Variants in KCNH3 observed in about 807,000 individuals in gnomAD.
KCNH3 encodes the protein voltage-gated inwardly rectifying potassium channel KCNH3.
A neutral mutation model predicts 95.6 loss-of-function variants in KCNH3; 36 were observed. The observed-to-expected ratio is 0.38, with a 90% CI of 0.29 to 0.50. KCNH3 has a LOEUF of 0.50. Among genes scored for constraint, KCNH3 ranks in the 20% least tolerant of loss-of-function variants. The pLI, the probability that KCNH3 is intolerant of heterozygous loss-of-function variation, is 0.95. For synonymous variants in KCNH3, 620 were observed against 646.3 expected (o/e 0.96, Z 0.62); for missense variants, 1,030 against 1,484.1 (o/e 0.69, Z 5.03).
intron 7 of KCNH3, 67 bp from the exon 8 acceptor site, chr12:49,548,828 C>T: frequency 6.9e-7 from 1 of 1,456,586 alleles, no homozygotes; most frequent in Non-Finnish European, 9.1e-7. Flanking sequence ...CGTGTCCCCA[C>T]CCCCAGGGCC....
At chr12:49,552,850 C>T (rs887445772) in intron 10 of KCNH3, among the ~76,000 whole-genome samples, 8 of 152,106 alleles carry the variant, frequency 5.3e-5, no homozygotes, top group Non-Finnish European at 1.2e-4. Context: ...CATTGAGATC[C>T]AAACAGCACT....
rs763771431 is a variant in KCNH3 at position 49,557,691 on chromosome 12, C to T, written c.2990C>T (p.Thr997Ile). ...WPRATAFWTS[T>I]SDSEPPASGD... The stretch of plus-strand genomic sequence containing the variant: ...CGAGCCACAGCTTTCTGGACCTCCA[C>T]CTCAGACTCAGAGCCCCCTGCCTCA... The change falls in exon 15 of 15, where the codon ACC (threonine) becomes ATC (isoleucine). Residue 997 changes from threonine (T) to isoleucine (I), a missense_variant. By Grantham distance (89) the Thr-to-Ile change is moderately conservative. Around this residue, in one of 9 missense-constraint regions of KCNH3, gnomAD observed 464 missense variants for 493.2 expected, o/e 0.94. Transcript: ENST00000257981. 6 of 1,613,876 alleles carry T rather than the reference C, an allele frequency of 3.7e-6. No individual in the cohort carries two copies. Among genetic ancestry groups the T allele is most frequent in the Non-Finnish European group, 5.1e-6 (6 of 1,180,000 alleles).
chr12:49,550,314 G>A lies in KCNH3; in HGVS notation c.1903G>A (p.Val635Met), dbSNP rs759178708. ...GSMEVLKGGT[V>M]LAILGKGDLI... Reference sequence around the variant, plus strand: ...CATGGAGGTGCTCAAGGGTGGCACCGTGCTCGCCATCCTAGGTTTGTGAGG... The same window carrying A: ...CATGGAGGTGCTCAAGGGTGGCACCATGCTCGCCATCCTAGGTTTGTGAGG... Residue 635 changes from valine (V) to methionine (M), a missense_variant, in exon 10 of 15, where the codon GTG becomes ATG. Physicochemically the swap from Val to Met is conservative, Grantham distance 21. Around this residue, in one of 9 missense-constraint regions of KCNH3, gnomAD observed 160 missense variants for 316.2 expected, o/e 0.51. Transcript: ENST00000257981. 1.9e-6 allele frequency: 3 copies of A among 1,604,216 alleles called. No individual in the cohort carries two copies. The highest frequency in any genetic ancestry group is 2.5e-6 in the Non-Finnish European group (3 of 1,176,606).
At chr12:49,545,398 G>A (rs930862753) in intron 7 of KCNH3, among the ~76,000 whole-genome samples, 4 of 145,992 alleles carry the variant, frequency 2.7e-5, no homozygotes, top group African/African-American at 1.0e-4. Context: ...TCCAGATGCA[G>A]GTGGCTTTTT....
chr12:49,557,562 G>C lies in KCNH3; in HGVS notation c.2861G>C (p.Gly954Ala). The C allele has an allele frequency of 6.2e-7, 1 of 1,612,232 alleles. No individual in the cohort carries two copies. The highest frequency in any genetic ancestry group is 8.5e-7 in the Non-Finnish European group (1 of 1,179,960). ...ASSYCLQPPAGSVLSGTWPHP... is the reference protein window; with the variant it reads ...ASSYCLQPPAASVLSGTWPHP... The stretch of plus-strand genomic sequence containing the variant: ...TCCTACTGCCTGCAGCCCCCAGCTG[G>C]CTCTGTCTTGAGTGGGACTTGGCCC... Residue 954 changes from glycine to alanine, a missense_variant, in exon 15 of 15, where the codon GGC becomes GCC. This residue lies in a region of KCNH3 where 464 missense variants were observed against 493.2 expected (regional missense o/e 0.94). Coordinates refer to ENST00000257981, the MANE Select transcript of KCNH3 (RefSeq NM_012284.3).
Position 49,550,328 on chromosome 12 carries a change from AG to A in KCNH3, c.1918+1del. On this transcript the variant is annotated frameshift_variant and splice_region_variant, in exon 10 of 15. Coordinates refer to ENST00000257981, the MANE Select transcript of KCNH3 (RefSeq NM_012284.3). LOFTEE classifies it high-confidence loss of function. Reference sequence around the variant, plus strand: ...AGGGTGGCACCGTGCTCGCCATCCTAGGTTTGTGAGGGTGGGAGAGAGGGCG... The same window carrying A: ...AGGGTGGCACCGTGCTCGCCATCCTAGTTTGTGAGGGTGGGAGAGAGGGCG... Reference protein sequence around the residue: ...LKGGTVLAILGKGDLIGCELP... With the variant: ...LKGGTVLAILXKGDLIGCELP... 1 of 1,597,486 alleles carries A rather than the reference AG, an allele frequency of 6.3e-7. No individual in the cohort carries two copies. The highest frequency in any genetic ancestry group is 8.5e-7 in the Non-Finnish European group (1 of 1,172,284).
chr12:49,553,998 T>G (rs1938347636), intron 10 of KCNH3, among the ~76,000 whole-genome samples: 1 of 152,176 alleles, frequency 6.6e-6, no homozygotes, highest in Non-Finnish European at 1.5e-5. Context: ...TTGCAGGGGA[T>G]TCTAATCAAC....
Position 49,556,400 on chromosome 12 carries a change from C to T in KCNH3, c.2499C>T (p.Gly833=). 1 of 1,613,966 alleles carries T rather than the reference C, an allele frequency of 6.2e-7. No individual in the cohort carries two copies. The highest frequency in any genetic ancestry group is 8.5e-7 in the Non-Finnish European group (1 of 1,179,854). ...RVVDGIEDGC[G]SDQPKFSFRV... ...TAGATGGCATTGAAGACGGCTGTGG[C>T]TCGGACCAGCCCAAGTTCTCTTTCC... The change falls in exon 13 of 15, where the codon GGC becomes GGT. Residue 833 remains glycine (G), a synonymous_variant. Coordinates refer to ENST00000257981, the MANE Select transcript of KCNH3 (RefSeq NM_012284.3).
Position 49,550,085 on chromosome 12 carries a change from G to T in KCNH3, c.1674G>T (p.Leu558=). 1 of 1,552,044 alleles carries T rather than the reference G, an allele frequency of 6.4e-7. No individual in the cohort carries two copies. ...CCGCACCTGCTCACCTGCAGCTGCT[G>T]CAGAGCCTCCCTGACGAGCTGCGCG... ...VNNGIDTTEL[L]QSLPDELRAD... is the part of the protein sequence containing the mutation. The change falls in exon 10 of 15, where the codon CTG becomes CTT. Residue 558 remains leucine (L), a synonymous_variant. Transcript: ENST00000257981.
chr12:49,540,788 T>C (rs1303531751), intron 1 of KCNH3, 111 bp from the exon 2 acceptor site: 1 of 787,124 alleles, frequency 1.3e-6, no homozygotes, highest in African/African-American at 1.7e-5. Context: ...ACACGCAGGA[T>C]TCCTGGGGTT....
At chr12:49,543,719 T>C in intron 5 of KCNH3, 196 bp from the exon 6 acceptor site, 1 of 1,019,768 alleles carries the variant, frequency 9.8e-7, no homozygotes, top group Non-Finnish European at 1.4e-6. Context: ...AAAGCCTCTC[T>C]GAGCCTCCAT....
At position 49,558,109 on chromosome 12, in the gene KCNH3, A is replaced by C; in HGVS notation, c.*156A>C. 2 of 773,336 alleles carry C rather than the reference A, an allele frequency of 2.6e-6. No homozygotes were observed. Among genetic ancestry groups the C allele is most frequent in the African/African-American group, 1.8e-5 (1 of 56,306 alleles). The allele number at this position is 773,336 out of a possible 1,614,324, so 47.9% of individuals were successfully genotyped here. A position where few individuals can be genotyped will look rare whatever the true frequency, so the allele number is the denominator to read the frequency against. ...GAAGCAAAGGAGGACCTGGCTCCTGACTCTCAGAGAGGATAGGCTGGATCC... is the reference window on the plus strand; with the variant it reads ...GAAGCAAAGGAGGACCTGGCTCCTGCCTCTCAGAGAGGATAGGCTGGATCC... On this transcript the variant is annotated 3_prime_UTR_variant, in exon 15 of 15. Transcript: ENST00000257981.
chr12:49,550,464 A>G, intron 10 of KCNH3, 135 bp downstream of exon 10: 1 of 1,158,480 alleles, frequency 8.6e-7, no homozygotes, highest in Non-Finnish European at 1.2e-6. Context: ...AGGAGTAGTT[A>G]TGGAGTCCTG....
At chr12:49,554,257 T>C in intron 10 of KCNH3, 80 bp from the exon 11 acceptor site, 2 of 1,156,914 alleles carry the variant, frequency 1.7e-6, no homozygotes, top group Non-Finnish European at 1.3e-6. Flanking sequence ...CTGAAGGGAA[T>C]CTCAGCAACC....
At position 49,557,852 on chromosome 12, in the gene KCNH3, C is replaced by G. The variant is rs1938533958; in HGVS notation, c.3151C>G (p.Leu1051Val). The change falls in exon 15 of 15, where the codon CTG (leucine) becomes GTG (valine). Residue 1051 changes from leucine to valine, a missense_variant. By Grantham distance (32) the Leu-to-Val change is conservative (BLOSUM62 1). This residue lies in a region of KCNH3 where 464 missense variants were observed against 493.2 expected (regional missense o/e 0.94). Coordinates refer to ENST00000257981, the MANE Select transcript of KCNH3 (RefSeq NM_012284.3). ...AGAGCCCCCACCAGGGTCAGGGGGC[C>G]TGGCCTTGCCCTGGGACCCCCACAG... is the stretch of plus-strand genomic sequence containing the variant. ...TGEPPPGSGGLALPWDPHSLE... is the reference protein window; with the variant it reads ...TGEPPPGSGGVALPWDPHSLE... 6.3e-7 allele frequency: 1 copy of G among 1,590,228 alleles called. No individual in the cohort carries two copies. Among genetic ancestry groups the G allele is most frequent in the Non-Finnish European group, 8.6e-7 (1 of 1,166,234 alleles).
intron 11 of KCNH3, among the ~76,000 whole-genome samples, chr12:49,555,193 C>T (rs1321021031): frequency 6.6e-6 from 1 of 151,388 alleles, no homozygotes; most frequent in Non-Finnish European, 1.5e-5. Context: ...GTAATCCCAG[C>T]ACTTTGGGAG....
intron 6 of KCNH3, 34 bp from the exon 7 acceptor site, chr12:49,544,141 T>TACCAAC: frequency 1.4e-6 from 2 of 1,413,374 alleles, no homozygotes; most frequent in Non-Finnish European, 1.9e-6. Flanking sequence ...CCCGCTGACC[T>TACCAAC]CCCTCCCTCC....
intron 3 of KCNH3, among the ~76,000 whole-genome samples, chr12:49,542,239 G>A (rs1037252111): frequency 6.6e-6 from 1 of 152,152 alleles, no homozygotes; most frequent in Admixed American, 6.5e-5. Context: ...TGGGGATGCT[G>A]GGGGTACTCT....
In KCNH3 at chr12:49,544,195, G is replaced by A. The variant is rs1478893636; in HGVS notation, c.1002G>A (p.Leu334=). Residue 334 remains leucine, a synonymous_variant, in exon 7 of 15, where the codon CTG becomes CTA. Transcript: ENST00000257981. ...KVNVYFGAHL[L]KTVRLLRLLR... ...CTCAGTACTTCGGGGCCCATCTGCT[G>A]AAGACGGTGCGCCTGCTGCGCCTGC... 1 of 1,580,044 alleles carries A rather than the reference G, an allele frequency of 6.3e-7. No individual in the cohort carries two copies. Among genetic ancestry groups the A allele is most frequent in the African/African-American group, 1.4e-5 (1 of 70,476 alleles).
Sources: gnomAD v4.1 joint callset for allele counts (sites outside exome capture counted in the v4.1 genomes callset) on GRCh38, gnomAD v4.1.1 for gene constraint, gnomAD v4.1.1 regional missense constraint, MANE v1.5 for transcripts, NCBI Gene and HGNC (gene_info 2026-07-23, HGNC 2026-07-21) for gene names.